Variants in PCED1B observed in about 807,000 individuals in gnomAD.
The protein encoded by PCED1B is PC-esterase domain containing 1B, also known as PC-esterase domain-containing protein 1B.
For missense variants in PCED1B, 573 were observed against 573.9 expected (o/e 1.00, Z 0.02); for synonymous variants, 251 against 246.1 (o/e 1.02, Z -0.19).
intron 2 of PCED1B, among the ~76,000 whole-genome samples, chr12:47,182,995 A>C (rs1942143626): frequency 6.6e-6 from 1 of 150,554 alleles, no homozygotes; most frequent in African/African-American, 2.4e-5. Context: ...GCTAAATTAG[A>C]ATGGCTTCAG....
chr12:47,107,466 G>C (rs970506895), intron 2 of PCED1B, among the ~76,000 whole-genome samples: 1 of 152,266 alleles, frequency 6.6e-6, no homozygotes, highest in Non-Finnish European at 1.5e-5. Flanking sequence ...AGAGAGTAAA[G>C]TGGGGTGAAC....
chr12:47,200,907 G>A (rs563875055), intron 2 of PCED1B, among the ~76,000 whole-genome samples: 28 of 152,298 alleles, frequency 1.8e-4, no homozygotes, highest in Admixed American at 7.8e-4. Context: ...TTTCCCCAGT[G>A]TTCTAAAAAA....
At chr12:47,140,577 A>T (rs1940555507) in intron 2 of PCED1B, among the ~76,000 whole-genome samples, 1 of 152,202 alleles carries the variant, frequency 6.6e-6, no homozygotes, top group African/African-American at 2.4e-5. Flanking sequence ...TACTGTCTCC[A>T]TTTTGACCCA....
intron 1 of PCED1B, among the ~76,000 whole-genome samples, chr12:47,081,339 A>C (rs971881156): frequency 1.3e-5 from 2 of 152,154 alleles, no homozygotes; most frequent in African/African-American, 4.8e-5. Flanking sequence ...AGCAATCTTG[A>C]ATTTAGTGAA....
chr12:47,143,720 GA>G (rs954670537), intron 2 of PCED1B, among the ~76,000 whole-genome samples: 16 of 152,050 alleles, frequency 1.1e-4, no homozygotes, highest in African/African-American at 3.9e-4. Context: ...CACTGAAAAA[GA>G]AAAACCGTAA....
At position 47,185,978 on chromosome 12, in the gene PCED1B, G is replaced by C. The variant is rs999650081; in HGVS notation, c.-525-30244G>C. ...CTCACACCTGTAATCCCAGCACTTT[G>C]GGAGGCCAAGGTGGGCGGATCACGA... is the stretch of plus-strand genomic sequence containing the variant. On this transcript the variant is annotated intron_variant, in intron 2 of 3. Coordinates refer to ENST00000546455, the MANE Select transcript of PCED1B (RefSeq NM_138371.3). Among the ~76,000 whole-genome samples the C allele has an allele frequency of 2.0e-5, 3 of 152,002 alleles. No individual in the cohort carries two copies. The East Asian group carries it at 5.8e-4, about 29-fold the overall frequency.
intron 3 of PCED1B, among the ~76,000 whole-genome samples, chr12:47,229,847 G>T (rs1943745236): frequency 6.7e-6 from 1 of 148,732 alleles, no homozygotes; most frequent in Non-Finnish European, 1.5e-5. Flanking sequence ...TTGGCTCATT[G>T]CAAGCTCTGC....
intron 2 of PCED1B, among the ~76,000 whole-genome samples, chr12:47,125,485 A>C (rs1939849019): frequency 6.6e-6 from 1 of 151,820 alleles, no homozygotes; most frequent in Non-Finnish European, 1.5e-5. Context: ...TTTCTTGACT[A>C]CTTTAGGTCT....
At chr12:47,181,853 G>A (rs1264300104) in intron 2 of PCED1B, among the ~76,000 whole-genome samples, 1 of 151,688 alleles carries the variant, frequency 6.6e-6, no homozygotes, top group Non-Finnish European at 1.5e-5. Context: ...AACCTTCTGT[G>A]ATTCCAATCC....
intron 1 of PCED1B, among the ~76,000 whole-genome samples, chr12:47,092,794 A>G (rs1279659533): frequency 6.6e-6 from 1 of 151,722 alleles, no homozygotes; most frequent in East Asian, 1.9e-4. Context: ...TTTTCTGTTA[A>G]TGTGGTGAAT....
At chr12:47,221,202 C>T (rs976599945) in intron 3 of PCED1B, among the ~76,000 whole-genome samples, 16 of 151,880 alleles carry the variant, frequency 1.1e-4, no homozygotes, top group African/African-American at 3.6e-4. Context: ...AATATTTAAC[C>T]ATAAAACTGA....
intron 2 of PCED1B, among the ~76,000 whole-genome samples, chr12:47,152,940 A>C (rs1220131401): frequency 6.6e-6 from 1 of 152,130 alleles, no homozygotes; most frequent in Non-Finnish European, 1.5e-5. Flanking sequence ...GTATCAAAAA[A>C]ATAAAATAAA....
chr12:47,182,971 C>T (rs1211697618), intron 2 of PCED1B, among the ~76,000 whole-genome samples: 1 of 152,002 alleles, frequency 6.6e-6, no homozygotes, highest in East Asian at 1.9e-4. Flanking sequence ...TTTAGTTCCA[C>T]CCAACAGCTA....
intron 2 of PCED1B, among the ~76,000 whole-genome samples, chr12:47,175,576 G>T (rs564218093): frequency 1.6e-4 from 24 of 152,010 alleles, no homozygotes; most frequent in African/African-American, 5.1e-4. Flanking sequence ...ATGTATGTAT[G>T]TATGTATTTA....
At chr12:47,139,651 G>A (rs1278400063) in intron 2 of PCED1B, among the ~76,000 whole-genome samples, 1 of 152,154 alleles carries the variant, frequency 6.6e-6, no homozygotes, top group Non-Finnish European at 1.5e-5. Context: ...GAATGTATGT[G>A]TGGTATGGTA....
At chr12:47,146,076 A>C (rs1411749120) in intron 2 of PCED1B, among the ~76,000 whole-genome samples, 1 of 152,170 alleles carries the variant, frequency 6.6e-6, no homozygotes, top group Non-Finnish European at 1.5e-5. Context: ...ACATTAACAG[A>C]GTTTGGAAGA....
chr12:47,102,988 C>G (rs1266185371), intron 1 of PCED1B, among the ~76,000 whole-genome samples: 1 of 152,074 alleles, frequency 6.6e-6, no homozygotes, highest in Non-Finnish European at 1.5e-5. Flanking sequence ...TAAAGGCCTT[C>G]CATTCCTGTC....
intron 2 of PCED1B, among the ~76,000 whole-genome samples, chr12:47,143,584 C>T (rs887296809): frequency 2.0e-5 from 3 of 151,974 alleles, no homozygotes; most frequent in African/African-American, 7.2e-5. Context: ...ATAAGGAAGA[C>T]ACAAGTAAAT....
chr12:47,082,325 G>T (rs1449994590), intron 1 of PCED1B, among the ~76,000 whole-genome samples: 2 of 152,108 alleles, frequency 1.3e-5, no homozygotes, highest in Non-Finnish European at 2.9e-5. Flanking sequence ...TAAGATAACG[G>T]TTTACCCCAA....
Sources: gnomAD v4.1 joint callset for allele counts (sites outside exome capture counted in the v4.1 genomes callset) on GRCh38, gnomAD v4.1.1 for gene constraint, MANE v1.5 for transcripts, NCBI Gene and HGNC (gene_info 2026-07-23, HGNC 2026-07-21) for gene names.